Variants in SSR4 observed in about 807,000 individuals in gnomAD.
The protein encoded by SSR4 is signal sequence receptor subunit 4, also known as translocon-associated protein subunit delta.
For synonymous variants in SSR4, 84 were observed against 65.6 expected (o/e 1.28, Z -1.35); for missense variants, 125 against 148.8 (o/e 0.84, Z 0.83).
intron 2 of SSR4, chrX:153,797,212 C>T (rs1354213580): frequency 1.5e-5 from 6 of 410,986 alleles, no homozygotes; most frequent in Non-Finnish European, 2.6e-5. Context: ...TCACAGTCAA[C>T]AGGGTTCCTA....
intron 1 of SSR4, 180 bp from the exon 2 acceptor site, chrX:153,796,254 G>A (rs996213346): frequency 4.0e-5 from 17 of 426,733 alleles, no homozygotes; most frequent in East Asian, 3.8e-4. Context: ...TCCCGCCTAC[G>A]TTGCCATTGC....
chrX:153,797,264 C>T, intron 2 of SSR4, 194 bp from the exon 3 acceptor site: 1 of 444,760 alleles, frequency 2.2e-6, no homozygotes, highest in Non-Finnish European at 4.0e-6. Context: ...GGCCTTGTGC[C>T]CCCGTAGGGA....
At chrX:153,794,561 G>A, upstream of SSR4, 1 of 1,174,759 alleles carries the variant, frequency 8.5e-7, no homozygotes, top group South Asian at 1.9e-5. Context: ...TGCCAGAGAC[G>A]TCACAATGCC....
intron 1 of SSR4, 40 bp from the exon 2 acceptor site, chrX:153,796,394 G>T: frequency 9.8e-7 from 1 of 1,019,989 alleles, no homozygotes. Flanking sequence ...CGGGATACTC[G>T]AGCTGGCCTT....
At chrX:153,797,926 C>A in intron 4 of SSR4, 112 bp downstream of exon 4, 1 of 864,837 alleles carries the variant, frequency 1.2e-6, no homozygotes, top group Non-Finnish European at 1.7e-6. Context: ...GTGATCCTGT[C>A]CCTTCCTCAG....
chrX:153,794,979 G>C, intron 1 of SSR4: 2 of 436,210 alleles, frequency 4.6e-6, no homozygotes, highest in East Asian at 7.8e-5. Context: ...GAGTCCCCGA[G>C]CCTCCATGGT....
At chrX:153,795,831 G>A in intron 1 of SSR4, 1 of 754,784 alleles carries the variant, frequency 1.3e-6, no homozygotes, top group Non-Finnish European at 1.6e-6. Context: ...CTTTCCTTTG[G>A]GCCTCTGGTT....
chrX:153,797,092 C>T (rs1396582871), intron 2 of SSR4: 1 of 228,004 alleles, frequency 4.4e-6, no homozygotes, highest in East Asian at 8.9e-5. Flanking sequence ...TTGGGTATGG[C>T]CCTCTTAGGG....
In SSR4 at chrX:153,797,796, C is replaced by T. The variant is rs143968228; in HGVS notation, c.333C>T (p.Ser111=). Residue 111 remains serine, a synonymous_variant, in exon 4 of 6, where the codon TCC becomes TCT. Transcript: ENST00000370086. The part of the protein sequence containing the change: ...TYEVRFFDEE[S]YSLLRKAQRN... ...AGGTTAGATTCTTCGACGAGGAGTC[C>T]TACAGCCTCCTCAGGAAGGTGAGGA... is the stretch of plus-strand genomic sequence containing the variant. 1.3e-5 allele frequency: 16 copies of T among 1,203,138 alleles called. No homozygotes were observed. The highest frequency in any genetic ancestry group is 1.8e-5 in the Non-Finnish European group (16 of 890,170).
intron 1 of SSR4, chrX:153,795,922 C>G: frequency 1.5e-6 from 1 of 665,241 alleles, no homozygotes; most frequent in Non-Finnish European, 1.8e-6. Context: ...CCGTTTACTT[C>G]TTCAGGAAAC....
upstream of SSR4, chrX:153,794,330 G>A: frequency 2.5e-6 from 3 of 1,194,853 alleles, no homozygotes; most frequent in Non-Finnish European, 3.4e-6. Context: ...GCGCCATGAC[G>A]GAAAGTGAGA....
In SSR4 at chrX:153,796,863, G is replaced by GTTTTGT. The variant is rs1401920089; in HGVS notation, c.186+328_186+333dup. The stretch of plus-strand genomic sequence containing the variant: ...CATTGGCCAGTTTGTCTGTGTGGGT[G>GTTTTGT]TTTTGTTTTTGTTTTTGTTTTTTGT... On this transcript the variant is annotated intron_variant, in intron 2 of 5. Coordinates refer to ENST00000370086, the MANE Select transcript of SSR4 (RefSeq NM_006280.3). 18 of 277,248 alleles carry GTTTTGT rather than the reference G, an allele frequency of 6.5e-5. No homozygotes were observed. The South Asian group carries it at 7.4e-4, about 11-fold the overall frequency. 22.8% of individuals were successfully genotyped at this position (277,248 alleles called of 1,213,427 possible). A position where few individuals can be genotyped will look rare whatever the true frequency, so the allele number is the denominator to read the frequency against.
In SSR4 at chrX:153,797,326, C is replaced by T. The variant is rs562327911; in HGVS notation, c.187-132C>T. 609 of 535,430 alleles carry T rather than the reference C, an allele frequency of 1.1e-3. 5 individuals carry two copies. The South Asian group carries it at 0.016, about 14-fold the overall frequency. The allele number at this position is 535,430 out of a possible 1,213,427, so 44.1% of individuals were successfully genotyped here. ...GATTGGTGAGTGTTACTTGGTACCT[C>T]CTGCCAGGGACACTGCAGCCCCCAA... On this transcript the variant is annotated intron_variant, in intron 2 of 5. Coordinates refer to ENST00000370086, the MANE Select transcript of SSR4 (RefSeq NM_006280.3).
chrX:153,798,219 G>A, intron 5 of SSR4, 83 bp downstream of exon 5: 2 of 1,178,318 alleles, frequency 1.7e-6, no homozygotes, highest in Non-Finnish European at 2.3e-6. Context: ...CTCTGCTGCT[G>A]GGCCGTGATT....
At chrX:153,794,253 G>T, upstream of SSR4, 1 of 1,195,540 alleles carries the variant, frequency 8.4e-7, no homozygotes, top group African/African-American at 1.7e-5. Context: ...CACCTCCCAG[G>T]GACGGCAGAG....
intron 1 of SSR4, 110 bp from the exon 2 acceptor site, chrX:153,796,324 C>T (rs782274433): frequency 2.1e-5 from 11 of 532,300 alleles, no homozygotes; most frequent in Admixed American, 5.5e-5. Flanking sequence ...GCAGGAAGAG[C>T]GCATGGGTCC....
intron 3 of SSR4, 83 bp from the exon 4 acceptor site, chrX:153,797,642 G>A (rs781967701): frequency 1.1e-4 from 125 of 1,115,817 alleles, no homozygotes; most frequent in South Asian, 3.3e-4. Flanking sequence ...TCTGGCTGCC[G>A]GAGTGCTGCA....
chrX:153,796,845 C>T (rs1388914737), intron 2 of SSR4: 3 of 307,012 alleles, frequency 9.8e-6, no homozygotes, highest in Non-Finnish European at 1.7e-5. Flanking sequence ...TGCCATTGGC[C>T]AGTTTGTCTG....
chrX:153,798,167 G>A (rs2092154405), intron 5 of SSR4, 31 bp downstream of exon 5: 31 of 1,199,836 alleles, frequency 2.6e-5, no homozygotes, highest in Non-Finnish European at 3.3e-5. Context: ...TCCTTTTTGG[G>A]GTTGTTGGGC....
Sources: allele counts gnomAD v4.1 joint callset, GRCh38; gene constraint gnomAD v4.1.1; transcripts MANE v1.5; gene names NCBI Gene and HGNC (gene_info 2026-07-23, HGNC 2026-07-21).